Variants in RNF130 observed in about 807,000 individuals in gnomAD.
RNF130 encodes ring finger protein 130, also known as E3 ubiquitin-protein ligase RNF130.
A neutral mutation model predicts 44.6 loss-of-function variants in RNF130; 21 were observed. That is an observed-to-expected ratio of 0.47 (90% CI 0.33 to 0.68). The LOEUF (loss-of-function observed/expected upper bound fraction) is 0.68, where lower values mean the gene tolerates loss of function less well. RNF130 is among the 30% of genes least tolerant of loss of function. The pLI, the probability that RNF130 is intolerant of heterozygous loss-of-function variation, is 0.02. For synonymous variants in RNF130, 214 were observed against 210.4 expected (o/e 1.02, Z -0.15); for missense variants, 479 against 560.6 (o/e 0.85, Z 1.47).
At chr5:179,923,817 G>GT (rs1013853277) in intron 7 of RNF130, among the ~76,000 whole-genome samples, 1 of 152,082 alleles carries the variant, frequency 6.6e-6, no homozygotes, top group Non-Finnish European at 1.5e-5. Flanking sequence ...TTTCCCTAAA[G>GT]TTTTTCTTTT....
chr5:180,017,799 T>C (rs1356281806), intron 2 of RNF130, among the ~76,000 whole-genome samples: 1 of 152,206 alleles, frequency 6.6e-6, no homozygotes, highest in Non-Finnish European at 1.5e-5. Flanking sequence ...ATTAAGCTCC[T>C]TTGGGCTCCG....
chr5:179,958,890 A>T (rs940468362), intron 8 of RNF130, among the ~76,000 whole-genome samples: 1 of 152,122 alleles, frequency 6.6e-6, no homozygotes, highest in Non-Finnish European at 1.5e-5. Context: ...CGTGTTGGCT[A>T]GGCTTGTCTT....
At chr5:179,979,222 G>A (rs544537263) in intron 4 of RNF130, among the ~76,000 whole-genome samples, 109 of 151,848 alleles carry the variant, frequency 7.2e-4, no homozygotes, top group African/African-American at 2.6e-3. Context: ...AATGCAAGCC[G>A]TTTTGATGCT....
Position 180,071,749 on chromosome 5 carries a change from G to T in RNF130, c.-47C>A. On this transcript the variant is annotated 5_prime_UTR_variant, in exon 1 of 9. Coordinates refer to ENST00000521389, the MANE Select transcript of RNF130 (RefSeq NM_018434.6). ...TGCTCGCGGACCGGGCTCCGGGGCC[G>T]GCGCCTAGAGGCGGGGCGGGCGCGG... 9.1e-7 allele frequency: 1 copy of T among 1,101,596 alleles called. No individual in the cohort carries two copies. Among genetic ancestry groups the T allele is most frequent in the South Asian group, 4.4e-5 (1 of 22,702 alleles). 68.2% of individuals were successfully genotyped at this position (1,101,596 alleles called of 1,614,324 possible).
At chr5:180,056,539 C>T (rs1764829103) in intron 1 of RNF130, among the ~76,000 whole-genome samples, 1 of 152,046 alleles carries the variant, frequency 6.6e-6, no homozygotes, top group Non-Finnish European at 1.5e-5. Flanking sequence ...ACACACTGGG[C>T]AGAGGTGGTG....
chr5:180,005,906 A>G (rs1264103481), intron 3 of RNF130, among the ~76,000 whole-genome samples: 1 of 152,240 alleles, frequency 6.6e-6, no homozygotes, highest in African/African-American at 2.4e-5. Context: ...GAAATGAATT[A>G]TCTTGCAAAC....
chr5:180,042,135 C>A (rs983062629), intron 1 of RNF130, among the ~76,000 whole-genome samples: 1 of 152,324 alleles, frequency 6.6e-6, no homozygotes, highest in South Asian at 2.1e-4. Context: ...CCTGGAAGCA[C>A]ATGCCTAGCA....
intron 1 of RNF130, among the ~76,000 whole-genome samples, chr5:180,067,086 G>A (rs1251842961): frequency 1.3e-5 from 2 of 152,270 alleles, no homozygotes; most frequent in East Asian, 3.9e-4. Context: ...TTCAAGGCGG[G>A]AGGGATCTCA....
chr5:179,998,857 TTTTATATATA>T lies in RNF130; in HGVS notation c.693+14194_693+14203del, dbSNP rs1370167752. ...TATCTCTCTCTTTAGATCTAGTATT[TTTTATATATA>T]TATATATATATATATATGTTTTATA... On this transcript the variant is annotated intron_variant, in intron 3 of 8. Transcript: ENST00000521389. Among the ~76,000 whole-genome samples the T allele has an allele frequency of 7.3e-3, 475 of 65,236 alleles. 52 individuals are homozygous for T. The East Asian group carries it at 0.15, about 20-fold the overall frequency. The allele number at this position is 65,236 out of a possible 152,430, so 42.8% of individuals were successfully genotyped here. A position where few individuals can be genotyped will look rare whatever the true frequency, so the allele number is the denominator to read the frequency against.
intron 3 of RNF130, among the ~76,000 whole-genome samples, chr5:179,987,860 T>G (rs1170760657): frequency 2.6e-5 from 4 of 152,260 alleles, no homozygotes; most frequent in African/African-American, 7.2e-5. Context: ...GTTGTTGGAT[T>G]CACTTTGCTT....
intron 7 of RNF130, among the ~76,000 whole-genome samples, chr5:179,940,822 T>A (rs1761961188): frequency 1.3e-5 from 2 of 152,256 alleles, no homozygotes; most frequent in South Asian, 4.1e-4. Context: ...TCTCTCCTTC[T>A]ATGACTTGAA....
intron 3 of RNF130, among the ~76,000 whole-genome samples, chr5:179,998,894 ATC>A (rs1446038023): frequency 9.3e-6 from 1 of 107,168 alleles, no homozygotes; most frequent in Admixed American, 9.5e-5. Context: ...TGTTTTATAT[ATC>A]TGAGTGCTCC....
At chr5:179,914,065 T>C (rs1761506374) in exon 8 of RNF130, 1 of 152,250 alleles carries the variant, frequency 6.6e-6, no homozygotes, top group Non-Finnish European at 1.5e-5. Context: ...CTCTTAACCA[T>C]AGCCCAGGGA....
At chr5:180,019,100 T>G (rs1393926279) in intron 2 of RNF130, among the ~76,000 whole-genome samples, 1 of 152,184 alleles carries the variant, frequency 6.6e-6, no homozygotes, top group Non-Finnish European at 1.5e-5. Context: ...AAAATCACTT[T>G]GAGGCCGGGC....
At chr5:180,003,597 C>T (rs747613875) in intron 3 of RNF130, among the ~76,000 whole-genome samples, 6 of 152,214 alleles carry the variant, frequency 3.9e-5, no homozygotes, top group Non-Finnish European at 7.3e-5. Context: ...CATTTCCCAT[C>T]ACTTTGCGAC....
At chr5:179,947,894 G>A (rs1389125481) in intron 7 of RNF130, among the ~76,000 whole-genome samples, 1 of 151,878 alleles carries the variant, frequency 6.6e-6, no homozygotes, top group Non-Finnish European at 1.5e-5. Context: ...ATATATGCAT[G>A]TAAGAATATG....
chr5:179,929,827 C>A (rs1217748819), intron 7 of RNF130, among the ~76,000 whole-genome samples: 1 of 152,140 alleles, frequency 6.6e-6, no homozygotes, highest in Admixed American at 6.5e-5. Context: ...TGACCGAAAT[C>A]ACAGTAAGTC....
intron 2 of RNF130, among the ~76,000 whole-genome samples, chr5:180,028,836 A>T (rs866147606): frequency 5.9e-5 from 9 of 152,354 alleles, no homozygotes; most frequent in Non-Finnish European, 7.3e-5. Flanking sequence ...AAACACCAGG[A>T]GAATGAAGAA....
At chr5:179,938,490 T>C (rs1308117025) in intron 7 of RNF130, among the ~76,000 whole-genome samples, 3 of 152,070 alleles carry the variant, frequency 2.0e-5, no homozygotes, top group East Asian at 3.9e-4. Context: ...GAGAGGGTAG[T>C]GGTTACACCC....
Sources: gnomAD v4.1 joint callset for allele counts (sites outside exome capture counted in the v4.1 genomes callset) on GRCh38, gnomAD v4.1.1 for gene constraint, MANE v1.5 for transcripts, NCBI Gene and HGNC (gene_info 2026-07-23, HGNC 2026-07-21) for gene names.